The following UBE2D2 variants were observed in gnomAD, a reference collection of about 807,000 sequenced individuals.
UBE2D2 encodes ubiquitin-conjugating enzyme E2 D2.
In UBE2D2, 2 loss-of-function variants were observed where a neutral mutation model predicts 24.2. The observed-to-expected ratio is 0.08, with a 90% CI of 0.03 to 0.26. The LOEUF (loss-of-function observed/expected upper bound fraction) is 0.26, where lower values mean the gene tolerates loss of function less well. Ranked by LOEUF, UBE2D2 falls within the 10% of genes least tolerant of loss-of-function variation. The pLI is 1.00. For missense variants in UBE2D2, 44 were observed against 177.6 expected (o/e 0.25, Z 4.28); for synonymous variants, 58 against 56.5 (o/e 1.03, Z -0.12).
intron 1 of UBE2D2, among the ~76,000 whole-genome samples, chr5:139,552,654 A>C (rs1471866132): frequency 2.2e-5 from 3 of 138,262 alleles, no homozygotes; most frequent in African/African-American, 8.1e-5. Flanking sequence ...GATTATAGGC[A>C]TGTGCCACCA....
intron 1 of UBE2D2, among the ~76,000 whole-genome samples, chr5:139,583,120 A>G (rs908962430): frequency 5.3e-5 from 8 of 151,516 alleles, no homozygotes; most frequent in Non-Finnish European, 1.2e-4. Context: ...GATTACAGGC[A>G]TGTGCCACCA....
intron 1 of UBE2D2, among the ~76,000 whole-genome samples, chr5:139,551,058 A>C (rs1289512003): frequency 1.3e-5 from 2 of 151,944 alleles, no homozygotes; most frequent in African/African-American, 4.8e-5. Flanking sequence ...AGAATATTTC[A>C]CCGGCGGGGG....
intron 1 of UBE2D2, among the ~76,000 whole-genome samples, chr5:139,578,057 C>A (rs1385353157): frequency 6.6e-6 from 1 of 152,144 alleles, no homozygotes; most frequent in East Asian, 1.9e-4. Context: ...GGTGCTCCAC[C>A]ATCTGTCTAT....
intron 1 of UBE2D2, among the ~76,000 whole-genome samples, chr5:139,529,080 T>C (rs1375190100): frequency 1.3e-5 from 2 of 152,212 alleles, no homozygotes; most frequent in African/African-American, 2.4e-5. Flanking sequence ...TCCCAGTATA[T>C]ACATCAGGTC....
At chr5:139,614,532 G>A (rs990361590) in intron 2 of UBE2D2, 54 bp from the exon 3 acceptor site, 61 of 1,590,364 alleles carry the variant, frequency 3.8e-5, no homozygotes, top group South Asian at 1.8e-4. Context: ...TTACTATGGC[G>A]TAGATACAAT....
At chr5:139,533,473 A>G (rs2455154) in intron 1 of UBE2D2, among the ~76,000 whole-genome samples, 62,226 of 151,796 alleles carry the variant, frequency 0.41, 15,706 homozygotes, top group African/African-American at 0.72. Flanking sequence ...CCAACATGGC[A>G]AGTTCCTGTC....
chr5:139,572,647 C>CT (rs35460912), intron 1 of UBE2D2, among the ~76,000 whole-genome samples: 1,510 of 137,916 alleles, frequency 0.011, 17 homozygotes, highest in African/African-American at 0.033. Context: ...AATTATTATT[C>CT]TTTTTTTTTT....
intron 1 of UBE2D2, among the ~76,000 whole-genome samples, chr5:139,541,742 CA>C (rs527542994): frequency 1.2e-3 from 172 of 145,514 alleles, no homozygotes; most frequent in African/African-American, 2.6e-3. Context: ...AACAACCCTA[CA>C]AAAAAAAAAT....
At chr5:139,584,394 T>C (rs928876027) in intron 1 of UBE2D2, among the ~76,000 whole-genome samples, 1 of 152,192 alleles carries the variant, frequency 6.6e-6, no homozygotes, top group African/African-American at 2.4e-5. Flanking sequence ...TGTATGCCTT[T>C]CGTTAAGTTT....
intron 2 of UBE2D2, among the ~76,000 whole-genome samples, chr5:139,603,641 A>AG (rs1325876502): frequency 6.7e-6 from 1 of 148,992 alleles, no homozygotes; most frequent in African/African-American, 2.5e-5. Flanking sequence ...AAAAAAAAAA[A>AG]AAAAAGGCTG....
chr5:139,530,582 C>T (rs1211973663), intron 1 of UBE2D2, among the ~76,000 whole-genome samples: 1 of 152,124 alleles, frequency 6.6e-6, no homozygotes, highest in Non-Finnish European at 1.5e-5. Flanking sequence ...CCGGTCAAGC[C>T]TTGACCGTTC....
At chr5:139,538,776 C>T (rs748550416) in intron 1 of UBE2D2, among the ~76,000 whole-genome samples, 89 of 151,080 alleles carry the variant, frequency 5.9e-4, no homozygotes, top group Admixed American at 1.3e-3. Context: ...CAGAGGCTGA[C>T]GCAGGAGAAT....
At chr5:139,570,293 A>AACAAC (rs1561505995) in intron 1 of UBE2D2, among the ~76,000 whole-genome samples, 5 of 151,756 alleles carry the variant, frequency 3.3e-5, no homozygotes, top group African/African-American at 1.2e-4. Flanking sequence ...ACAACAACAA[A>AACAAC]ACAACTATTG....
intron 1 of UBE2D2, among the ~76,000 whole-genome samples, chr5:139,550,928 G>A (rs576016248): frequency 6.6e-6 from 1 of 152,278 alleles, no homozygotes; most frequent in Non-Finnish European, 1.5e-5. Context: ...TCAAGTCAGT[G>A]AGACCAAGAA....
Position 139,561,718 on chromosome 5 carries a change from G to T in UBE2D2, c.-74G>T. The T allele has an allele frequency of 8.1e-7, 1 of 1,227,822 alleles. No homozygotes were observed. Among genetic ancestry groups the T allele is most frequent in the East Asian group, 3.0e-5 (1 of 33,464 alleles). 76.1% of individuals were successfully genotyped at this position (1,227,822 alleles called of 1,614,324 possible). A position where few individuals can be genotyped will look rare whatever the true frequency, so the allele number is the denominator to read the frequency against. ...ACCGAGATCGCCGAGGCGGCCTCAG[G>T]CTCCCTAGCCCCTTCCCCGTCCCTT... On this transcript the variant is annotated 5_prime_UTR_variant, in exon 1 of 7. Transcript: ENST00000398733.
At chr5:139,538,901 A>G (rs889707539) in intron 1 of UBE2D2, among the ~76,000 whole-genome samples, 1 of 152,070 alleles carries the variant, frequency 6.6e-6, no homozygotes, top group Non-Finnish European at 1.5e-5. Flanking sequence ...CATTATATGT[A>G]TATTACTACA....
intron 1 of UBE2D2, among the ~76,000 whole-genome samples, chr5:139,544,266 G>A (rs926210360): frequency 1.3e-5 from 2 of 149,684 alleles, no homozygotes; most frequent in African/African-American, 2.5e-5. Context: ...AAAGTGCTGA[G>A]ATTACAGGTG....
At chr5:139,544,145 G>A (rs1350419350) in intron 1 of UBE2D2, among the ~76,000 whole-genome samples, 2 of 150,538 alleles carry the variant, frequency 1.3e-5, no homozygotes, top group African/African-American at 4.9e-5. Context: ...TTACTCATCT[G>A]TCTAGATCTT....
intron 1 of UBE2D2, among the ~76,000 whole-genome samples, chr5:139,538,687 A>G (rs781510791): frequency 6.6e-6 from 1 of 152,046 alleles, no homozygotes; most frequent in African/African-American, 2.4e-5. Flanking sequence ...CCTGACCAAC[A>G]TGGAAAAACC....
Sources: gnomAD v4.1 joint callset for allele counts (sites outside exome capture counted in the v4.1 genomes callset) on GRCh38, gnomAD v4.1.1 for gene constraint, MANE v1.5 for transcripts, NCBI Gene and HGNC (gene_info 2026-07-23, HGNC 2026-07-21) for gene names.